The following DGKB variants were observed in gnomAD, a reference collection of about 807,000 sequenced individuals.
DGKB encodes diacylglycerol kinase beta, also known as 90 kDa diacylglycerol kinase.
In DGKB, 67 loss-of-function variants were observed where a neutral mutation model predicts 114.3. The observed-to-expected ratio is 0.59, with a 90% CI of 0.48 to 0.72. The LOEUF (loss-of-function observed/expected upper bound fraction) is 0.72. Among genes scored for constraint, DGKB ranks in the 30% least tolerant of loss-of-function variants. The probability of loss-of-function intolerance (pLI) is 0.00; values close to 1 mark genes in which losing one functional copy is unlikely to be tolerated. For missense variants in DGKB, 907 were observed against 975.2 expected, an observed-to-expected ratio of 0.93 and a Z score of 0.93; for synonymous variants, 398 against 323.1, an observed-to-expected ratio of 1.23 and a Z score of -2.49.
At chr7:14,962,898 A>G (rs1231540340) in intron 1 of DGKB, among the ~76,000 whole-genome samples, 1 of 152,098 alleles carries the variant, frequency 6.6e-6, no homozygotes, top group Non-Finnish European at 1.5e-5. Context: ...CAAGATATAA[A>G]CTATATTGAC....
intron 25 of DGKB, among the ~76,000 whole-genome samples, chr7:14,166,137 G>C (rs767097710): frequency 1.3e-5 from 2 of 152,170 alleles, no homozygotes; most frequent in Non-Finnish European, 1.5e-5. Flanking sequence ...GTCCTAAAAT[G>C]TGTTCGCCTA....
At chr7:14,766,770 A>G (rs769666274) in intron 2 of DGKB, among the ~76,000 whole-genome samples, 2 of 151,868 alleles carry the variant, frequency 1.3e-5, no homozygotes, top group Non-Finnish European at 2.9e-5. Context: ...TCTGCAGTTC[A>G]AGTACCAGGA....
At chr7:14,798,652 A>G (rs941747869) in intron 2 of DGKB, among the ~76,000 whole-genome samples, 1 of 152,154 alleles carries the variant, frequency 6.6e-6, no homozygotes, top group Non-Finnish European at 1.5e-5. Flanking sequence ...CTGACTCTAA[A>G]TTGACACTAA....
At chr7:14,700,471 A>C (rs184764595) in intron 7 of DGKB, among the ~76,000 whole-genome samples, 1 of 152,258 alleles carries the variant, frequency 6.6e-6, no homozygotes, top group Non-Finnish European at 1.5e-5. Flanking sequence ...CCGTCTTGGC[A>C]TCCCAAAATG....
intron 10 of DGKB, 98 bp from the exon 11 acceptor site, chr7:14,682,939 A>T: frequency 1.3e-6 from 1 of 790,326 alleles, no homozygotes. Context: ...TTTCATATCC[A>T]CTGCTCCCTA....
intron 17 of DGKB, among the ~76,000 whole-genome samples, chr7:14,597,053 T>C (rs995863879): frequency 2.0e-5 from 3 of 152,164 alleles, no homozygotes; most frequent in South Asian, 2.1e-4. Flanking sequence ...CATCTTACTA[T>C]AGCATAATAC....
intron 25 of DGKB, among the ~76,000 whole-genome samples, chr7:14,152,178 A>C (rs142897424): frequency 1.4e-4 from 22 of 152,218 alleles, no homozygotes; most frequent in African/African-American, 4.8e-4. Context: ...TCCCCAAAGA[A>C]TTTAGAATAT....
chr7:14,822,045 G>A (rs1285457844), intron 2 of DGKB, among the ~76,000 whole-genome samples: 1 of 152,132 alleles, frequency 6.6e-6, no homozygotes, highest in South Asian at 2.1e-4. Flanking sequence ...AATTAAAAAT[G>A]CAATAGCCTA....
At chr7:14,724,408 G>C (rs1829712154) in intron 5 of DGKB, among the ~76,000 whole-genome samples, 1 of 152,114 alleles carries the variant, frequency 6.6e-6, no homozygotes, top group Non-Finnish European at 1.5e-5. Context: ...GGCATTTTCA[G>C]TGAATAAGAA....
intron 23 of DGKB, 66 bp downstream of exon 23, chr7:14,338,449 A>T: frequency 3.0e-6 from 3 of 987,242 alleles, no homozygotes; most frequent in Non-Finnish European, 4.4e-6. Flanking sequence ...AAGACTCTTT[A>T]CTTTTAAAGA....
chr7:14,636,998 T>C (rs10230627), intron 13 of DGKB, among the ~76,000 whole-genome samples: 4,113 of 151,894 alleles, frequency 0.027, 171 homozygotes, highest in African/African-American at 0.094. Context: ...ATAAAACACA[T>C]TTAAAAATAG....
At chr7:14,505,912 G>A (rs184289956) in intron 20 of DGKB, among the ~76,000 whole-genome samples, 2 of 152,198 alleles carry the variant, frequency 1.3e-5, no homozygotes, top group Admixed American at 1.3e-4. Context: ...TCCATTGTCA[G>A]TAGTGTAATA....
At chr7:14,295,199 T>G in intron 23 of DGKB, among the ~76,000 whole-genome samples, 1 of 152,296 alleles carries the variant, frequency 6.6e-6, no homozygotes, top group Middle Eastern at 3.4e-3. Context: ...AAATATGCAA[T>G]TTTACTTTAT....
intron 3 of DGKB, among the ~76,000 whole-genome samples, chr7:14,756,477 T>A (rs181100283): frequency 7.2e-5 from 11 of 151,938 alleles, no homozygotes; most frequent in Admixed American, 2.6e-4. Flanking sequence ...ATTTTCTCCA[T>A]CATTTATAGG....
chr7:14,495,307 C>T lies in DGKB; in HGVS notation c.1771-17082G>A, dbSNP rs185012693. Among the ~76,000 whole-genome samples, 750 of 151,850 alleles carry T rather than the reference C, an allele frequency of 4.9e-3. 5 individuals carry two copies. The highest frequency in any genetic ancestry group is 7.7e-3 in the Non-Finnish European group (522 of 67,778). On this transcript the variant is annotated intron_variant, in intron 20 of 25. Transcript: ENST00000402815. ...ATACACTGCCATTATAACAAGAAAC[C>T]TTTTGTGCTTTAAAAGGGTATGTTT...
intron 1 of DGKB, among the ~76,000 whole-genome samples, chr7:14,874,199 G>A (rs1010233251): frequency 6.6e-6 from 1 of 152,026 alleles, no homozygotes; most frequent in Non-Finnish European, 1.5e-5. Flanking sequence ...TACAAATTCA[G>A]AGCCTGATAT....
chr7:14,369,177 T>C (rs1416981226), intron 21 of DGKB, among the ~76,000 whole-genome samples: 1 of 152,138 alleles, frequency 6.6e-6, no homozygotes, highest in African/African-American at 2.4e-5. Flanking sequence ...GGTGTTTGAT[T>C]TTCTGTTCCT....
intron 21 of DGKB, among the ~76,000 whole-genome samples, chr7:14,354,051 T>C (rs1438986208): frequency 6.6e-6 from 1 of 152,210 alleles, no homozygotes; most frequent in Non-Finnish European, 1.5e-5. Flanking sequence ...TTGACACTTT[T>C]CTTCTTCCCC....
chr7:14,728,843 C>G (rs1830410308), intron 5 of DGKB, among the ~76,000 whole-genome samples: 3 of 151,902 alleles, frequency 2.0e-5, no homozygotes, highest in Non-Finnish European at 4.4e-5. Context: ...ACTAGGATTA[C>G]AGGTGTGCAC....
Sources: allele counts gnomAD v4.1 joint callset (sites outside exome capture counted in the v4.1 genomes callset), GRCh38; gene constraint gnomAD v4.1.1; transcripts MANE v1.5; gene names NCBI Gene and HGNC (gene_info 2026-07-23, HGNC 2026-07-21).